NOS1AP: variants seen among roughly 807,000 people sequenced by gnomAD.
The protein encoded by NOS1AP is carboxyl-terminal PDZ ligand of neuronal nitric oxide synthase protein.
NOS1AP carries 21 observed loss-of-function variants against 56.2 expected under a neutral mutation model. The ratio of observed to expected loss-of-function variants is 0.37; its 90% confidence interval spans 0.26 to 0.54. The LOEUF is 0.54. NOS1AP is among the 20% of genes least tolerant of loss of function. The pLI is 0.84. For missense variants in NOS1AP, 522 were observed against 657.8 expected, an observed-to-expected ratio of 0.79 and a Z score of 2.26; for synonymous variants, 270 against 274.6, an observed-to-expected ratio of 0.98 and a Z score of 0.17.
At chr1:162,317,670 G>T (rs1259958889) in intron 4 of NOS1AP, 1 of 152,096 alleles carries the variant, frequency 6.6e-6, no homozygotes, top group Non-Finnish European at 1.5e-5. Context: ...CATCCCTCAG[G>T]TCCTGAGAGC....
intron 8 of NOS1AP, among the ~76,000 whole-genome samples, chr1:162,362,741 C>T (rs553695240): frequency 1.3e-5 from 2 of 152,262 alleles, no homozygotes; most frequent in South Asian, 2.1e-4. Context: ...TTAAGCTTAC[C>T]CTTCTCTGAG....
At chr1:162,272,621 T>C (rs1031417445) in intron 2 of NOS1AP, among the ~76,000 whole-genome samples, 2 of 152,198 alleles carry the variant, frequency 1.3e-5, no homozygotes, top group African/African-American at 2.4e-5. Context: ...TTTTCTCTAC[T>C]GGCTGCTCAG....
At chr1:162,124,456 T>C (rs535533738) in intron 1 of NOS1AP, among the ~76,000 whole-genome samples, 1 of 152,172 alleles carries the variant, frequency 6.6e-6, no homozygotes, top group East Asian at 1.9e-4. Context: ...AAAGACATTA[T>C]TTCATTCATT....
intron 5 of NOS1AP, among the ~76,000 whole-genome samples, chr1:162,336,417 A>G (rs10753789): frequency 0.4 from 60,681 of 152,086 alleles, 12,554 homozygotes; most frequent in East Asian, 0.6. Flanking sequence ...AGGAAGTTAT[A>G]TAACTCAGAA....
intron 5 of NOS1AP, among the ~76,000 whole-genome samples, chr1:162,334,191 A>G (rs1333035980): frequency 6.6e-6 from 1 of 152,226 alleles, no homozygotes; most frequent in Non-Finnish European, 1.5e-5. Flanking sequence ...AAAGAGAATT[A>G]TGCTTTGTTA....
At position 162,199,110 on chromosome 1, in the gene NOS1AP, A is replaced by G. The variant is rs58826503; in HGVS notation, c.177+44634A>G. Among the ~76,000 whole-genome samples, 1,161 of 152,274 alleles carry G rather than the reference A, an allele frequency of 7.6e-3. 14 individuals carry two copies. The highest frequency in any genetic ancestry group is 0.027 in the African/African-American group (1,106 of 41,530). On this transcript the variant is annotated intron_variant, in intron 2 of 9. Transcript: ENST00000361897. ...ATAGGCATGGGGGTTAAGCCTTGCA[A>G]TCCTCCTGTTTCTCACCACAAATGT... is the stretch of plus-strand genomic sequence containing the variant.
At chr1:162,271,380 G>A (rs1654579697) in intron 2 of NOS1AP, among the ~76,000 whole-genome samples, 2 of 152,126 alleles carry the variant, frequency 1.3e-5, no homozygotes, top group South Asian at 2.1e-4. Context: ...GGCAAGTGTG[G>A]TGGAAATAAC....
At chr1:162,136,846 G>A (rs12087337) in intron 1 of NOS1AP, among the ~76,000 whole-genome samples, 36,074 of 152,164 alleles carry the variant, frequency 0.24, 8,007 homozygotes, top group African/African-American at 0.59. Flanking sequence ...CTTTTCTGGG[G>A]TGAATACTGC....
intron 5 of NOS1AP, among the ~76,000 whole-genome samples, chr1:162,341,969 C>T (rs914936096): frequency 3.9e-5 from 6 of 152,050 alleles, no homozygotes; most frequent in Non-Finnish European, 7.4e-5. Flanking sequence ...GTAGGGGCTT[C>T]TTGCTTAGGA....
At chr1:162,332,259 C>A (rs997276253) in intron 4 of NOS1AP, among the ~76,000 whole-genome samples, 1 of 152,210 alleles carries the variant, frequency 6.6e-6, no homozygotes, top group African/African-American at 2.4e-5. Flanking sequence ...ATCTCAGCCT[C>A]TCAGTGTGAC....
chr1:162,154,446 G>T lies in NOS1AP; in HGVS notation c.147G>T (p.Val49=). Residue 49 remains valine, a synonymous_variant, in exon 2 of 10, where the codon GTG becomes GTT. Transcript: ENST00000361897. ...ACGTGCCAAGGCCCAACAGCAGGGT[G>T]GAGATCGTGGCTGCCATGCGCCGGA... is the stretch of plus-strand genomic sequence containing the variant. ...SLDVPRPNSR[V]EIVAAMRRIR... The T allele has an allele frequency of 2.5e-6, 4 of 1,614,188 alleles. No individual in the cohort carries two copies. The highest frequency in any genetic ancestry group is 3.4e-6 in the Non-Finnish European group (4 of 1,180,012).
rs1297689306 is a variant in NOS1AP at position 162,188,868 on chromosome 1, C to T, written c.177+34392C>T. Reference sequence around the variant, plus strand: ...GGAGTTCGAGACCAGCCTGGCCAACCTGGTCAGGAGTATTTTTAGAAACTC... The same window carrying T: ...GGAGTTCGAGACCAGCCTGGCCAACTTGGTCAGGAGTATTTTTAGAAACTC... On this transcript the variant is annotated intron_variant, in intron 2 of 9. Transcript: ENST00000361897. This position sits in a 1 kb window ranked among gnomAD's most constrained non-coding sequence, Gnocchi z 4.0. Among the ~76,000 whole-genome samples the T allele has an allele frequency of 6.6e-6, 1 of 151,972 alleles. No individual in the cohort carries two copies. The highest frequency in any genetic ancestry group is 1.5e-5 in the Non-Finnish European group (1 of 67,974).
At chr1:162,085,100 G>C (rs912034759) in intron 1 of NOS1AP, among the ~76,000 whole-genome samples, 2 of 152,074 alleles carry the variant, frequency 1.3e-5, no homozygotes, top group African/African-American at 2.4e-5. Flanking sequence ...TGTTTTGTCA[G>C]TGTCTATTGG....
At chr1:162,140,533 T>C (rs1649191384) in intron 1 of NOS1AP, among the ~76,000 whole-genome samples, 1 of 152,272 alleles carries the variant, frequency 6.6e-6, no homozygotes, top group Non-Finnish European at 1.5e-5. Flanking sequence ...ACATTTTCTT[T>C]ATCCAGTTCA....
intron 1 of NOS1AP, among the ~76,000 whole-genome samples, chr1:162,119,912 G>A (rs1571029148): frequency 6.6e-6 from 1 of 152,146 alleles, no homozygotes; most frequent in East Asian, 1.9e-4. Context: ...GGATGGCATG[G>A]GGGAGGCAGC....
chr1:162,270,871 T>A (rs955187609), intron 2 of NOS1AP, among the ~76,000 whole-genome samples: 1 of 152,186 alleles, frequency 6.6e-6, no homozygotes, highest in African/African-American at 2.4e-5. Flanking sequence ...CATATCTGCC[T>A]GCATGACCTC....
At chr1:162,222,086 T>C (rs1350103500) in intron 2 of NOS1AP, among the ~76,000 whole-genome samples, 1 of 152,250 alleles carries the variant, frequency 6.6e-6, no homozygotes, top group Non-Finnish European at 1.5e-5. Context: ...TTGCTCTCTC[T>C]GGATTTTTAC....
chr1:162,224,149 CA>C (rs1652871203), intron 2 of NOS1AP, among the ~76,000 whole-genome samples: 1 of 151,370 alleles, frequency 6.6e-6, no homozygotes, highest in Non-Finnish European at 1.5e-5. Context: ...TTCCAGATCT[CA>C]GAGTGTTTTG....
chr1:162,364,108 A>C, intron 8 of NOS1AP: 2 of 985,404 alleles, frequency 2.0e-6, no homozygotes, highest in Non-Finnish European at 2.4e-6. Context: ...TACTCCCTAA[A>C]AAAATGTGAA....
Sources: allele counts gnomAD v4.1 joint callset (sites outside exome capture counted in the v4.1 genomes callset), GRCh38; gene constraint gnomAD v4.1.1; non-coding constraint Gnocchi (gnomAD v3.1); transcripts MANE v1.5; gene names NCBI Gene and HGNC (gene_info 2026-07-23, HGNC 2026-07-21).